Variants in ABCA13 observed in about 807,000 individuals in gnomAD.
ABCA13 encodes the protein ATP-binding cassette sub-family A member 13.
Under a neutral mutation model 478.7 loss-of-function variants are expected in ABCA13, and 476 were observed. The observed-to-expected ratio is 0.99, with a 90% confidence interval of 0.92 to 1.07. The LOEUF (loss-of-function observed/expected upper bound fraction) is 1.07. Among genes scored for constraint, ABCA13 ranks in the 50% least tolerant of loss-of-function variants. ABCA13 has a pLI of 0.00. For missense variants in ABCA13, 6,060 were observed against 5,910.6 expected (o/e 1.03, Z -0.83); for synonymous variants, 2,252 against 2,158.9 (o/e 1.04, Z -1.20).
At chr7:48,323,804 CA>C (rs1157335961) in intron 27 of ABCA13, among the ~76,000 whole-genome samples, 1 of 152,164 alleles carries the variant, frequency 6.6e-6, no homozygotes, top group Non-Finnish European at 1.5e-5. Flanking sequence ...GTGTCAAGGG[CA>C]GGGCCAGGTG....
intron 1 of ABCA13, among the ~76,000 whole-genome samples, chr7:48,180,095 C>A (rs1343013210): frequency 6.6e-6 from 1 of 151,822 alleles, no homozygotes; most frequent in African/African-American, 2.4e-5. Flanking sequence ...CAATACAGCA[C>A]TCTGAATTTA....
At chr7:48,202,491 C>CA (rs76233317) in intron 3 of ABCA13, among the ~76,000 whole-genome samples, 31,660 of 149,588 alleles carry the variant, frequency 0.21, 3,869 homozygotes, top group East Asian at 0.34. Context: ...TAAAGATTCT[C>CA]CAAGGCCCCA....
chr7:48,412,708 C>T (rs1268386409), intron 41 of ABCA13, 125 bp downstream of exon 41: 25 of 652,760 alleles, frequency 3.8e-5, no homozygotes, highest in Middle Eastern at 3.0e-4. Flanking sequence ...CTTTTATTTA[C>T]ATTTGATTTC....
intron 28 of ABCA13, among the ~76,000 whole-genome samples, chr7:48,335,880 C>A (rs1806180669): frequency 6.6e-6 from 1 of 152,080 alleles, no homozygotes; most frequent in African/African-American, 2.4e-5. Context: ...GTATTGATAA[C>A]TTAATATTTT....
chr7:48,289,995 ATGCCATT>A (rs1798287058), intron 20 of ABCA13, among the ~76,000 whole-genome samples: 1 of 152,244 alleles, frequency 6.6e-6, no homozygotes, highest in African/African-American at 2.4e-5. Context: ...AAAAAGCACA[ATGCCATT>A]TGCTAGTTTT....
At chr7:48,318,346 T>A (rs2128900881) in intron 27 of ABCA13, among the ~76,000 whole-genome samples, 2 of 152,200 alleles carry the variant, frequency 1.3e-5, no homozygotes, top group Middle Eastern at 6.8e-3. Context: ...ATTTAATTTT[T>A]GTTTTGTTTT....
intron 27 of ABCA13, among the ~76,000 whole-genome samples, chr7:48,326,897 C>G (rs913362102): frequency 6.6e-6 from 1 of 152,132 alleles, no homozygotes; most frequent in African/African-American, 2.4e-5. Flanking sequence ...TTATGATGGG[C>G]AGAGATCAGC....
chr7:48,464,769 C>G (rs1445984632), intron 43 of ABCA13, among the ~76,000 whole-genome samples: 4 of 152,214 alleles, frequency 2.6e-5, no homozygotes, highest in Non-Finnish European at 5.9e-5. Flanking sequence ...ACCCTGAGTT[C>G]CAACACCTAT....
chr7:48,645,590 C>A lies in ABCA13; in HGVS notation c.*78C>A. The A allele has an allele frequency of 3.3e-6, 4 of 1,194,142 alleles. No homozygotes were observed. Among genetic ancestry groups the A allele is most frequent in the South Asian group, 1.4e-5 (1 of 72,252 alleles). 74.0% of individuals were successfully genotyped at this position (1,194,142 alleles called of 1,614,324 possible). A position where few individuals can be genotyped will look rare whatever the true frequency, so the allele number is the denominator to read the frequency against. ...CAGTCAAGGATAAAACAAGCACGCG[C>A]ACAATCAAGGAGCTGGAACACACTC... is the stretch of plus-strand genomic sequence containing the variant. On this transcript the variant is annotated 3_prime_UTR_variant, in exon 62 of 62. Coordinates refer to ENST00000435803, the MANE Select transcript of ABCA13 (RefSeq NM_152701.5).
intron 43 of ABCA13, among the ~76,000 whole-genome samples, chr7:48,465,284 G>A (rs572732808): frequency 6.6e-6 from 1 of 152,204 alleles, no homozygotes; most frequent in African/African-American, 2.4e-5. Flanking sequence ...TCCATTCTAT[G>A]TGTACGGTCA....
intron 42 of ABCA13, among the ~76,000 whole-genome samples, chr7:48,453,666 G>A (rs763104428): frequency 7.2e-5 from 11 of 152,136 alleles, no homozygotes; most frequent in Non-Finnish European, 1.5e-4. Flanking sequence ...TAAACTCCCA[G>A]GGATCTCAAG....
At position 48,389,120 on chromosome 7, in the gene ABCA13, G is replaced by C. The variant is rs1247819832; in HGVS notation, c.11554G>C (p.Glu3852Gln). 2 of 1,613,942 alleles carry C rather than the reference G, an allele frequency of 1.2e-6. No individual in the cohort carries two copies. Among genetic ancestry groups the C allele is most frequent in the Non-Finnish European group, 1.7e-6 (2 of 1,179,846 alleles). ...CCTGGTGTCTGTGACCAAGGAATAT[G>C]AGGGCCACAAGGCTGTGGTCCAAGA... ...VTLVSVTKEY[E>Q]GHKAVVQDLS... The change falls in exon 37 of 62, where the codon GAG becomes CAG. Residue 3852 changes from glutamate to glutamine, a missense_variant. By Grantham distance (29) the Glu-to-Gln change is conservative (BLOSUM62 2). Around this residue, in one of 3 missense-constraint regions of ABCA13, gnomAD observed 1,627 missense variants for 1,571.0 expected, o/e 1.04. Transcript: ENST00000435803.
At chr7:48,424,708 G>A (rs1405880223) in intron 41 of ABCA13, among the ~76,000 whole-genome samples, 1 of 152,162 alleles carries the variant, frequency 6.6e-6, no homozygotes, top group African/African-American at 2.4e-5. Flanking sequence ...TATTCTGGAT[G>A]TTAGGGTTAC....
chr7:48,382,223 C>T (rs981352675), intron 35 of ABCA13, among the ~76,000 whole-genome samples: 38 of 152,248 alleles, frequency 2.5e-4, no homozygotes, highest in African/African-American at 6.7e-4. Flanking sequence ...TAGGTATCCC[C>T]GACCCCAGCA....
intron 55 of ABCA13, among the ~76,000 whole-genome samples, chr7:48,574,219 A>G (rs891964087): frequency 3.9e-5 from 6 of 152,160 alleles, no homozygotes; most frequent in African/African-American, 7.2e-5. Flanking sequence ...TTTTACTTCA[A>G]AGAGAATTCT....
intron 3 of ABCA13, among the ~76,000 whole-genome samples, chr7:48,218,894 G>C (rs1229603838): frequency 6.6e-6 from 1 of 152,160 alleles, no homozygotes; most frequent in African/African-American, 2.4e-5. Context: ...GTTGACAACT[G>C]TTAATTCATT....
intron 59 of ABCA13, among the ~76,000 whole-genome samples, chr7:48,634,616 T>C (rs1248722553): frequency 6.6e-6 from 1 of 152,198 alleles, no homozygotes; most frequent in Non-Finnish European, 1.5e-5. Flanking sequence ...CTATTGTTTT[T>C]ATATTCTTGA....
At chr7:48,200,639 A>T (rs1451863343) in intron 3 of ABCA13, among the ~76,000 whole-genome samples, 1 of 152,162 alleles carries the variant, frequency 6.6e-6, no homozygotes, top group Non-Finnish European at 1.5e-5. Flanking sequence ...TACAAAATAA[A>T]ATAGGGAAAG....
chr7:48,508,331 C>T lies in ABCA13; in HGVS notation c.13524+282C>T, dbSNP rs1831390594. ...TATTGAGAAGATGAGAAAATTATTA[C>T]CTTTACTATGCTCTTTTCAATGGGG... On this transcript the variant is annotated intron_variant, in intron 50 of 61. Transcript: ENST00000435803. Among the ~76,000 whole-genome samples the T allele has an allele frequency of 3.9e-5, 6 of 152,212 alleles. 1 individual carries two copies. The South Asian group carries it at 1.2e-3, about 32-fold the overall frequency.
Sources: gnomAD v4.1 joint callset for allele counts (sites outside exome capture counted in the v4.1 genomes callset) on GRCh38, gnomAD v4.1.1 for gene constraint, gnomAD v4.1.1 regional missense constraint, MANE v1.5 for transcripts, NCBI Gene and HGNC (gene_info 2026-07-23, HGNC 2026-07-21) for gene names.